Variants in KDM2A observed in about 807,000 individuals in gnomAD.
KDM2A encodes the protein lysine-specific demethylase 2A.
A neutral mutation model predicts 137.3 loss-of-function variants in KDM2A; 3 were observed. That is an observed-to-expected ratio of 0.02 (90% confidence interval 0.01 to 0.06). The LOEUF is 0.06. Ranked by LOEUF, KDM2A falls within the 10% of genes least tolerant of loss-of-function variation. The pLI is 1.00. For synonymous variants in KDM2A, 512 were observed against 541.5 expected, an observed-to-expected ratio of 0.95 and a Z score of 0.76; for missense variants, 738 against 1,510.6, an observed-to-expected ratio of 0.49 and a Z score of 8.48.
At chr11:67,127,548 T>G (rs1177169031) in intron 2 of KDM2A, among the ~76,000 whole-genome samples, 2 of 152,156 alleles carry the variant, frequency 1.3e-5, no homozygotes, top group Non-Finnish European at 2.9e-5. Context: ...TTAACCTGTC[T>G]TACATATAAT....
At chr11:67,174,949 A>G (rs1021398917) in intron 2 of KDM2A, among the ~76,000 whole-genome samples, 2 of 152,210 alleles carry the variant, frequency 1.3e-5, no homozygotes, top group African/African-American at 2.4e-5. Flanking sequence ...ACAGAAAGCC[A>G]GTAACTCCCT....
At chr11:67,151,807 T>C (rs655168) in intron 2 of KDM2A, among the ~76,000 whole-genome samples, 146,084 of 152,128 alleles carry the variant, frequency 0.96, 70,243 homozygotes, top group Non-Finnish European at 0.99. Flanking sequence ...GTAGTATGGC[T>C]TTATCTAGCT....
intron 2 of KDM2A, among the ~76,000 whole-genome samples, chr11:67,151,337 C>G (rs980150281): frequency 1.3e-5 from 2 of 151,892 alleles, no homozygotes; most frequent in East Asian, 3.8e-4. Flanking sequence ...AAACTATACA[C>G]ACCACATATT....
Position 67,250,302 on chromosome 11 carries a change from A to C in KDM2A, c.2272A>C (p.Lys758Gln). 6.2e-7 allele frequency: 1 copy of C among 1,613,984 alleles called. No homozygotes were observed. Among genetic ancestry groups the C allele is most frequent in the African/African-American group, 1.3e-5 (1 of 75,068 alleles). ...CAGTGCCAGCCGCGATGAGCGCTTC[A>C]AACGGCGGCAGTTGCTGCGGCTGCA... ...HHSASRDERF[K>Q]RRQLLRLQAT... The change falls in exon 17 of 21, where the codon AAA becomes CAA. Residue 758 changes from lysine to glutamine, a missense_variant. Coordinates refer to ENST00000529006, the MANE Select transcript of KDM2A (RefSeq NM_012308.3). This position sits in a 1 kb window ranked among gnomAD's most constrained non-coding sequence, Gnocchi z 7.1.
chr11:67,178,791 AATTG>A lies in KDM2A; in HGVS notation c.43-1282_43-1279del, dbSNP rs1210971656. 5.3e-5 allele frequency among the ~76,000 whole-genome samples: 8 copies of A among 152,240 alleles called. No homozygotes were observed. The East Asian group carries it at 1.3e-3, about 26-fold the overall frequency. On this transcript the variant is annotated intron_variant, in intron 2 of 20. Transcript: ENST00000529006. ...ACCACATTTTGTTAATGCATTCATC[AATTG>A]ATTGACATTTGGGTGGTTTCTATCT...
intron 10 of KDM2A, among the ~76,000 whole-genome samples, chr11:67,226,109 T>C (rs968116112): frequency 3.3e-5 from 5 of 151,574 alleles, no homozygotes; most frequent in Admixed American, 6.6e-5. Flanking sequence ...AAATAACAAT[T>C]AGCCAGGTGT....
At chr11:67,180,832 T>TTA (rs1565391758) in intron 3 of KDM2A, among the ~76,000 whole-genome samples, 1 of 151,822 alleles carries the variant, frequency 6.6e-6, no homozygotes, top group Non-Finnish European at 1.5e-5. Flanking sequence ...TTTTTTTTTT[T>TTA]TATACTTTTA....
intron 12 of KDM2A, among the ~76,000 whole-genome samples, chr11:67,235,244 G>T (rs1221653086): frequency 6.6e-6 from 1 of 151,790 alleles, no homozygotes; most frequent in Non-Finnish European, 1.5e-5. Context: ...GAGGGGTTGT[G>T]GGTAATGTTG....
chr11:67,147,467 GGGA>G (rs1053317754), intron 2 of KDM2A, among the ~76,000 whole-genome samples: 8 of 151,590 alleles, frequency 5.3e-5, no homozygotes, highest in Non-Finnish European at 1.0e-4. Context: ...GCATGAACCT[GGGA>G]GGTGGAGCTT....
In KDM2A at chr11:67,255,091, T is replaced by A; in HGVS notation, c.*36T>A. ...GCCCAGATTCAACAGGAAACCGATC[T>A]TCCCCTGACTCCCCACCGAGGAGAG... On this transcript the variant is annotated 3_prime_UTR_variant, in exon 21 of 21. Transcript: ENST00000529006. The A allele has an allele frequency of 1.9e-6, 3 of 1,570,922 alleles. No individual in the cohort carries two copies. The highest frequency in any genetic ancestry group is 2.6e-6 in the Non-Finnish European group (3 of 1,155,738).
At chr11:67,253,407 G>C (rs1335140083) in intron 18 of KDM2A, 46 bp from the exon 19 acceptor site, 4 of 1,558,840 alleles carry the variant, frequency 2.6e-6, no homozygotes, top group African/African-American at 1.4e-5. Context: ...CTCTGAGTAT[G>C]CTGGGAAACA....
intron 2 of KDM2A, among the ~76,000 whole-genome samples, chr11:67,140,630 G>A (rs1048586059): frequency 3.3e-5 from 5 of 152,030 alleles, no homozygotes; most frequent in Admixed American, 6.6e-5. Flanking sequence ...GCAGGCGCCT[G>A]TAATCCCAGC....
chr11:67,201,778 A>AAAAAAAAAAAAAAC (rs1857631714), intron 5 of KDM2A, among the ~76,000 whole-genome samples: 1 of 131,814 alleles, frequency 7.6e-6, no homozygotes, highest in Non-Finnish European at 1.7e-5. Context: ...ATCTCAAAAA[A>AAAAAAAAAAAAAAC]AAAAAAAAAA....
chr11:67,200,460 G>T (rs1200206358), intron 5 of KDM2A, among the ~76,000 whole-genome samples: 3 of 151,956 alleles, frequency 2.0e-5, no homozygotes, highest in Admixed American at 1.3e-4. Flanking sequence ...CTCATGATCC[G>T]CCCGCCTCAG....
chr11:67,136,360 C>G (rs1277232743), intron 2 of KDM2A, among the ~76,000 whole-genome samples: 2 of 152,192 alleles, frequency 1.3e-5, no homozygotes, highest in East Asian at 3.8e-4. Flanking sequence ...TATACTGCCT[C>G]TTCATCAACT....
At chr11:67,150,288 ATTAT>A (rs1242639868) in intron 2 of KDM2A, among the ~76,000 whole-genome samples, 1 of 152,204 alleles carries the variant, frequency 6.6e-6, no homozygotes, top group African/African-American at 2.4e-5. Context: ...GGCCACAGGT[ATTAT>A]TTGTTAGTCT....
intron 2 of KDM2A, among the ~76,000 whole-genome samples, chr11:67,148,647 G>A (rs1463469858): frequency 4.6e-5 from 7 of 151,712 alleles, no homozygotes; most frequent in African/African-American, 1.2e-4. Context: ...CTAAAAATAC[G>A]AAAATGAACT....
At chr11:67,120,197 C>T (rs1055154580) in intron 1 of KDM2A, 148 bp downstream of exon 1, 3 of 152,240 alleles carry the variant, frequency 2.0e-5, no homozygotes, top group African/African-American at 4.8e-5. Context: ...GCCCTTTTTC[C>T]TCTCCGGCCC....
intron 5 of KDM2A, among the ~76,000 whole-genome samples, chr11:67,185,147 C>G (rs1346263469): frequency 6.6e-6 from 1 of 151,896 alleles, no homozygotes; most frequent in African/African-American, 2.4e-5. Context: ...ATGGAAATAT[C>G]AATAAAGAGA....
Sources: allele counts gnomAD v4.1 joint callset (sites outside exome capture counted in the v4.1 genomes callset), GRCh38; gene constraint gnomAD v4.1.1; non-coding constraint Gnocchi (gnomAD v3.1); transcripts MANE v1.5; gene names NCBI Gene and HGNC (gene_info 2026-07-23, HGNC 2026-07-21).